Variants in NTM observed in about 807,000 individuals in gnomAD.
NTM encodes the protein neurotrimin.
In NTM, 13 loss-of-function variants were observed where a neutral mutation model predicts 42.1. The observed-to-expected ratio is 0.31, with a 90% CI of 0.20 to 0.49. The LOEUF is 0.49. Among genes scored for constraint, NTM ranks in the 20% least tolerant of loss-of-function variants. The pLI is 0.99. For missense variants in NTM, 373 were observed against 452.8 expected, an observed-to-expected ratio of 0.82 and a Z score of 1.60; for synonymous variants, 187 against 179.2, an observed-to-expected ratio of 1.04 and a Z score of -0.35.
At chr11:132,122,920 C>A (rs1197277327) in intron 2 of NTM, among the ~76,000 whole-genome samples, 3 of 152,110 alleles carry the variant, frequency 2.0e-5, no homozygotes, top group Admixed American at 2.0e-4. Context: ...CTCACTCATT[C>A]ATCTAATTGG....
At chr11:132,046,758 G>C (rs1285393638) in intron 2 of NTM, among the ~76,000 whole-genome samples, 1 of 152,198 alleles carries the variant, frequency 6.6e-6, no homozygotes, top group Non-Finnish European at 1.5e-5. Flanking sequence ...AGGGGTCTTT[G>C]TGGTGAGGAA....
intron 1 of NTM, among the ~76,000 whole-genome samples, chr11:131,753,002 G>A (rs1421927467): frequency 6.6e-6 from 1 of 151,846 alleles, no homozygotes; most frequent in African/African-American, 2.4e-5. Context: ...CTGACAAAGG[G>A]CTAATATCCA....
chr11:132,172,900 T>G (rs1333504583), intron 3 of NTM, among the ~76,000 whole-genome samples: 2 of 152,236 alleles, frequency 1.3e-5, no homozygotes, highest in Non-Finnish European at 2.9e-5. Flanking sequence ...ATTGCATTTG[T>G]GTCGGGAGCA....
intron 1 of NTM, among the ~76,000 whole-genome samples, chr11:131,512,335 C>T (rs184038035): frequency 2.0e-5 from 3 of 152,352 alleles, no homozygotes; most frequent in African/African-American, 7.2e-5. Flanking sequence ...TTGCTGCCAG[C>T]TCCTACTGCA....
intron 1 of NTM, among the ~76,000 whole-genome samples, chr11:131,785,250 AC>A (rs899945903): frequency 3.9e-5 from 6 of 152,232 alleles, no homozygotes; most frequent in African/African-American, 1.4e-4. Flanking sequence ...TGGCAAGCCA[AC>A]CACAGGCAGA....
At chr11:131,650,522 A>G (rs764514679) in intron 1 of NTM, among the ~76,000 whole-genome samples, 3 of 152,178 alleles carry the variant, frequency 2.0e-5, no homozygotes, top group Admixed American at 6.5e-5. Context: ...AGTAAAGACT[A>G]TTTTACTATG....
At chr11:132,216,263 T>C (rs529944885) in intron 4 of NTM, among the ~76,000 whole-genome samples, 2 of 152,316 alleles carry the variant, frequency 1.3e-5, no homozygotes, top group Admixed American at 1.3e-4. Context: ...CTGAAAGCCT[T>C]ATTGTTATGT....
intron 1 of NTM, among the ~76,000 whole-genome samples, chr11:131,865,305 G>C (rs192411186): frequency 6.6e-6 from 1 of 152,322 alleles, no homozygotes; most frequent in East Asian, 1.9e-4. Flanking sequence ...AAAATTCAGA[G>C]TATACAGTTT....
intron 1 of NTM, among the ~76,000 whole-genome samples, chr11:131,482,793 G>A (rs1207398659): frequency 1.3e-5 from 2 of 152,188 alleles, no homozygotes; most frequent in African/African-American, 2.4e-5. Flanking sequence ...AAGGAGATGA[G>A]GGTACAGATG....
intron 1 of NTM, among the ~76,000 whole-genome samples, chr11:131,619,437 G>A (rs1409415178): frequency 6.6e-6 from 1 of 152,174 alleles, no homozygotes; most frequent in Non-Finnish European, 1.5e-5. Context: ...GGCTGTGGGA[G>A]TACAGAGGAT....
intron 2 of NTM, among the ~76,000 whole-genome samples, chr11:131,958,443 T>C (rs1010091730): frequency 3.3e-5 from 5 of 152,152 alleles, no homozygotes; most frequent in Non-Finnish European, 7.4e-5. Flanking sequence ...CTTCAAGAAC[T>C]TCCCTATATA....
At chr11:131,390,232 A>ACGG (rs935933784) in intron 1 of NTM, among the ~76,000 whole-genome samples, 2 of 152,148 alleles carry the variant, frequency 1.3e-5, no homozygotes, top group Non-Finnish European at 2.9e-5. Flanking sequence ...GGGAGGTGCC[A>ACGG]CGGTCTTTTA....
At chr11:132,050,935 T>C (rs558988741) in intron 2 of NTM, among the ~76,000 whole-genome samples, 98 of 152,312 alleles carry the variant, frequency 6.4e-4, no homozygotes, top group African/African-American at 2.1e-3. Flanking sequence ...TGCCTTGTAA[T>C]AGGAACTTGA....
At chr11:131,704,737 G>A (rs572192495) in intron 1 of NTM, among the ~76,000 whole-genome samples, 1 of 152,164 alleles carries the variant, frequency 6.6e-6, no homozygotes, top group East Asian at 1.9e-4. Context: ...TAAAAATCAG[G>A]AAAATAACGC....
At chr11:131,775,645 T>G (rs2086842051) in intron 1 of NTM, among the ~76,000 whole-genome samples, 1 of 152,104 alleles carries the variant, frequency 6.6e-6, no homozygotes, top group African/African-American at 2.4e-5. Flanking sequence ...CCAAAAAGAG[T>G]AGTCCTTAAG....
In NTM at chr11:131,404,654, A is replaced by G. The variant is rs142370884; in HGVS notation, c.82+33766A>G. On this transcript the variant is annotated intron_variant, in intron 1 of 8. Coordinates refer to ENST00000683400, the MANE Select transcript of NTM (RefSeq NM_001352005.2). Reference sequence around the variant, plus strand: ...TGTGATTTTGTTCATTGGTTCATCCATATTTTCATGTCTCTGAAATTGGGA... The same window carrying G: ...TGTGATTTTGTTCATTGGTTCATCCGTATTTTCATGTCTCTGAAATTGGGA... Among the ~76,000 whole-genome samples the G allele has an allele frequency of 5.9e-5, 9 of 152,282 alleles. No homozygotes were observed. In the East Asian group the frequency reaches 1.4e-3, roughly 23 times the overall value.
chr11:131,593,106 C>G (rs2059525071), intron 1 of NTM, among the ~76,000 whole-genome samples: 1 of 152,140 alleles, frequency 6.6e-6, no homozygotes, highest in South Asian at 2.1e-4. Context: ...CAGCAAAAAG[C>G]AAACTATTAT....
At chr11:131,913,460 A>T (rs1274221106) in intron 2 of NTM, among the ~76,000 whole-genome samples, 1 of 152,344 alleles carries the variant, frequency 6.6e-6, no homozygotes, top group East Asian at 1.9e-4. Flanking sequence ...TTCAAGGCTT[A>T]TCAAAGTCAG....
intron 1 of NTM, among the ~76,000 whole-genome samples, chr11:131,799,749 G>A (rs1452964066): frequency 6.6e-6 from 1 of 152,180 alleles, no homozygotes; most frequent in Non-Finnish European, 1.5e-5. Context: ...TAAGAAGGGA[G>A]CAACATGAGA....
Sources: allele counts gnomAD v4.1 joint callset (sites outside exome capture counted in the v4.1 genomes callset), GRCh38; gene constraint gnomAD v4.1.1; transcripts MANE v1.5; gene names NCBI Gene and HGNC (gene_info 2026-07-23, HGNC 2026-07-21).